The following RAD52 variants were observed in gnomAD, a reference collection of about 807,000 sequenced individuals.
The protein encoded by RAD52 is DNA repair protein RAD52 homolog.
RAD52 carries 47 observed loss-of-function variants against 55.5 expected under a neutral mutation model. That is an observed-to-expected ratio of 0.85 (90% confidence interval 0.67 to 1.08). The LOEUF is 1.08. RAD52 is among the 50% of genes least tolerant of loss of function. The pLI is 0.00. For missense variants in RAD52, 468 were observed against 522.8 expected, an observed-to-expected ratio of 0.90 and a Z score of 1.02; for synonymous variants, 184 against 198.9, an observed-to-expected ratio of 0.92 and a Z score of 0.63.
intron 1 of RAD52, among the ~76,000 whole-genome samples, chr12:937,447 A>G (rs7976843): frequency 0.99 from 149,996 of 151,470 alleles, 74,288 homozygotes; most frequent in South Asian, 1. Context: ...TTTCTGAGAC[A>G]GAGTCTCGCT....
chr12:973,750 A>G (rs1170684983), intron 1 of RAD52, among the ~76,000 whole-genome samples: 1 of 142,702 alleles, frequency 7.0e-6, no homozygotes. Context: ...AAATGTTCGG[A>G]TTACAGGCAT....
chr12:936,119 C>T (rs958926493), intron 1 of RAD52, among the ~76,000 whole-genome samples: 34 of 151,720 alleles, frequency 2.2e-4, no homozygotes, highest in African/African-American at 8.2e-4. Flanking sequence ...GCCTGGTCAA[C>T]ATGGTGAAAC....
At position 978,735 on chromosome 12, in the gene RAD52, G is replaced by A. The variant is rs532942346; in HGVS notation, c.-19+11074C>T. Among the ~76,000 whole-genome samples, 8 of 152,010 alleles carry A rather than the reference G, an allele frequency of 5.3e-5. No individual in the cohort carries two copies. In the East Asian group the frequency reaches 7.8e-4, roughly 15 times the overall value. ...GGAGAATTACTGGAACCCAGGAGGC[G>A]GTGGTGCACACCTGTAATCCAAACT... On this transcript the variant is annotated intron_variant, in intron 1 of 11. Coordinates refer to the RAD52 transcript ENST00000430095.
At chr12:933,108 ACCCTC>A in intron 1 of RAD52, 32 bp from the exon 2 acceptor site, 1 of 1,443,618 alleles carries the variant, frequency 6.9e-7, no homozygotes. Flanking sequence ...AAAAAAAACA[ACCCTC>A]AAAGAATGTT....
At chr12:975,937 A>G (rs972820065) in intron 1 of RAD52, 8 of 152,194 alleles carry the variant, frequency 5.3e-5, no homozygotes, top group South Asian at 2.1e-4. Flanking sequence ...CTAAACATTG[A>G]AAGTTTCAGT....
intron 1 of RAD52, among the ~76,000 whole-genome samples, chr12:979,538 C>T (rs182294609): frequency 0.029 from 4,384 of 151,940 alleles, 88 homozygotes; most frequent in South Asian, 0.089. Flanking sequence ...CCACATGTGC[C>T]GTCTCTCTCT....
chr12:913,376 TG>T lies in RAD52; in HGVS notation c.*14del. On this transcript the variant is annotated 3_prime_UTR_variant, in exon 12 of 12. Transcript: ENST00000358495. Reference sequence around the variant, plus strand: ...CCCTTTGTGACAGAGTCCAATTATGTGGCCTGAGCCTCAGTTAAGATGGATC... The same window carrying T: ...CCCTTTGTGACAGAGTCCAATTATGTGCCTGAGCCTCAGTTAAGATGGATC... The T allele has an allele frequency of 6.3e-7, 1 of 1,579,894 alleles. No individual in the cohort carries two copies. Among genetic ancestry groups the T allele is most frequent in the Non-Finnish European group, 8.7e-7 (1 of 1,153,094 alleles).
intron 2 of RAD52, 48 bp from the exon 3 acceptor site, chr12:931,369 A>G (rs1292241115): frequency 3.6e-6 from 5 of 1,378,326 alleles, no homozygotes; most frequent in Middle Eastern, 1.8e-4. Flanking sequence ...ACCATTCCTC[A>G]CATCATTGAG....
rs377004121 is a variant in RAD52, at chr12:925,530, G to A, written c.468-5C>T. 4 of 1,608,908 alleles carry A rather than the reference G, an allele frequency of 2.5e-6. No homozygotes were observed. The African/African-American group carries it at 5.4e-5, about 22-fold the overall frequency. On this transcript the variant is annotated splice_region_variant and splice_polypyrimidine_tract_variant and intron_variant, in intron 6 of 11. Coordinates refer to ENST00000358495, the MANE Select transcript of RAD52 (RefSeq NM_134424.4). ...CCAAGTGCATTCCCAAAACTCCTAA[G>A]GGCAAGAGAAAAAAAGGTGAAACAG...
At chr12:970,134 C>G (rs957711225) in intron 1 of RAD52, among the ~76,000 whole-genome samples, 1 of 151,870 alleles carries the variant, frequency 6.6e-6, no homozygotes, top group Non-Finnish European at 1.5e-5. Flanking sequence ...ATGCGAAACC[C>G]TGTCTCTACT....
At chr12:972,639 G>A (rs556441028) in intron 1 of RAD52, among the ~76,000 whole-genome samples, 20 of 151,794 alleles carry the variant, frequency 1.3e-4, no homozygotes, top group Non-Finnish European at 2.2e-4. Context: ...GGTGGCGGAC[G>A]CCTGTAGTCC....
At chr12:965,980 G>T (rs1958761229) in intron 1 of RAD52, among the ~76,000 whole-genome samples, 1 of 151,890 alleles carries the variant, frequency 6.6e-6, no homozygotes, top group African/African-American at 2.4e-5. Context: ...CACTGTGCCT[G>T]GCTGTTTGTT....
intron 1 of RAD52, among the ~76,000 whole-genome samples, chr12:934,242 G>A (rs1428067036): frequency 1.3e-5 from 2 of 151,878 alleles, no homozygotes; most frequent in Non-Finnish European, 2.9e-5. Context: ...TGAGGCGGGC[G>A]GATCACCTGA....
At chr12:967,865 G>A (rs11064621) in intron 1 of RAD52, among the ~76,000 whole-genome samples, 36,883 of 151,932 alleles carry the variant, frequency 0.24, 4,663 homozygotes, top group Middle Eastern at 0.33. Flanking sequence ...GAGCCCAGGA[G>A]GGGGAGGTTG....
rs891514867 is a variant in RAD52, at chr12:926,458, G to A, written c.467+687C>T. ...GTTCAAGGCTGCACTGAGCGATGAC[G>A]GCACCACTGCACCCCAGCCTGTGCA... On this transcript the variant is annotated intron_variant, in intron 6 of 11. Transcript: ENST00000358495. Among the ~76,000 whole-genome samples the A allele has an allele frequency of 2.6e-5, 4 of 151,968 alleles. 1 individual carries two copies. Among genetic ancestry groups the A allele is most frequent in the African/African-American group, 4.8e-5 (2 of 41,354 alleles).
At chr12:984,227 G>A (rs1294558342) in intron 1 of RAD52, among the ~76,000 whole-genome samples, 5 of 151,802 alleles carry the variant, frequency 3.3e-5, no homozygotes, top group East Asian at 1.9e-4. Context: ...ACAGAGTTTC[G>A]CCCTTTTGCC....
rs531083852 is a variant in RAD52 at position 914,256 on chromosome 12, C to G, written c.968-135G>C. 9.3e-6 allele frequency: 12 copies of G among 1,284,322 alleles called. 1 individual carries two copies. Among genetic ancestry groups the G allele is most frequent in the Middle Eastern group, 3.8e-4 (2 of 5,290 alleles). 79.6% of individuals were successfully genotyped at this position (1,284,322 alleles called of 1,614,324 possible). ...GTTTTTGGAATTTCTCTCCCCTCCCCCTAAAAGTACACTTCCCTTTGGTTA... is the reference window on the plus strand; with the variant it reads ...GTTTTTGGAATTTCTCTCCCCTCCCGCTAAAAGTACACTTCCCTTTGGTTA... On this transcript the variant is annotated intron_variant, in intron 10 of 11. Coordinates refer to ENST00000358495, the MANE Select transcript of RAD52 (RefSeq NM_134424.4).
chr12:917,616 C>T (rs1956468125), intron 7 of RAD52, among the ~76,000 whole-genome samples: 1 of 151,800 alleles, frequency 6.6e-6, no homozygotes, highest in Non-Finnish European at 1.5e-5. Flanking sequence ...GGCACGTTGA[C>T]TCATGCCTGT....
At chr12:919,435 G>A (rs548348397) in intron 7 of RAD52, among the ~76,000 whole-genome samples, 36 of 151,546 alleles carry the variant, frequency 2.4e-4, no homozygotes, top group Admixed American at 1.1e-3. Flanking sequence ...GTGAAATTCC[G>A]TCTCAACAAC....
Sources: allele counts gnomAD v4.1 joint callset (sites outside exome capture counted in the v4.1 genomes callset), GRCh38; gene constraint gnomAD v4.1.1; transcripts MANE v1.5; gene names NCBI Gene and HGNC (gene_info 2026-07-23, HGNC 2026-07-21).